Variants in MGAT4C observed in about 807,000 individuals in gnomAD.
MGAT4C encodes MGAT4 family member C.
MGAT4C carries 19 observed loss-of-function variants against 40.1 expected under a neutral mutation model. The observed-to-expected ratio is 0.47, with a 90% CI of 0.33 to 0.70. The LOEUF (loss-of-function observed/expected upper bound fraction) is 0.70, where lower values mean the gene tolerates loss of function less well. MGAT4C is among the 30% of genes least tolerant of loss of function. MGAT4C has a pLI of 0.02. For synonymous variants in MGAT4C, 181 were observed against 187.1 expected (o/e 0.97, Z 0.27); for missense variants, 491 against 563.2 (o/e 0.87, Z 1.30).
intron 1 of MGAT4C, among the ~76,000 whole-genome samples, chr12:86,064,322 G>T (rs1894296465): frequency 6.6e-6 from 1 of 152,174 alleles, no homozygotes; most frequent in Admixed American, 6.5e-5. Flanking sequence ...GGAACTTGCA[G>T]TGAGCCAAGA....
At chr12:86,468,148 C>A (rs1479397919) in intron 2 of MGAT4C, among the ~76,000 whole-genome samples, 2 of 151,962 alleles carry the variant, frequency 1.3e-5, no homozygotes, top group African/African-American at 4.8e-5. Context: ...CTAAATATAT[C>A]TAAAATAAAA....
intron 2 of MGAT4C, among the ~76,000 whole-genome samples, chr12:86,704,295 A>G (rs1425923544): frequency 6.6e-6 from 1 of 152,092 alleles, no homozygotes; most frequent in African/African-American, 2.4e-5. Flanking sequence ...ATGCTTGGAT[A>G]GAGAATGATA....
intron 1 of MGAT4C, among the ~76,000 whole-genome samples, chr12:86,074,595 C>G (rs1171567916): frequency 2.6e-5 from 4 of 151,966 alleles, no homozygotes; most frequent in African/African-American, 9.7e-5. Flanking sequence ...TTTCTTAATT[C>G]TTTCATATGG....
At chr12:86,177,452 A>G (rs968110837) in intron 1 of MGAT4C, among the ~76,000 whole-genome samples, 1 of 152,186 alleles carries the variant, frequency 6.6e-6, no homozygotes, top group Non-Finnish European at 1.5e-5. Flanking sequence ...AACTCAAAAC[A>G]TTCACAGAAA....
chr12:86,812,015 A>G (rs533289839), intron 1 of MGAT4C, among the ~76,000 whole-genome samples: 197 of 152,276 alleles, frequency 1.3e-3, no homozygotes, highest in Admixed American at 1.6e-3. Context: ...CTCCATATGT[A>G]TTTTCATTCT....
intron 4 of MGAT4C, among the ~76,000 whole-genome samples, chr12:86,310,555 T>C (rs1355740050): frequency 2.6e-5 from 4 of 152,184 alleles, no homozygotes; most frequent in African/African-American, 9.7e-5. Context: ...AATACTCTCA[T>C]AGCCCTTACT....
chr12:86,174,295 A>T (rs1397339698), intron 1 of MGAT4C, among the ~76,000 whole-genome samples: 1 of 152,080 alleles, frequency 6.6e-6, no homozygotes, highest in East Asian at 1.9e-4. Context: ...GCAAGACAAT[A>T]ACAAATGGTT....
intron 2 of MGAT4C, among the ~76,000 whole-genome samples, chr12:86,496,434 C>G (rs1958236250): frequency 6.6e-6 from 1 of 151,954 alleles, no homozygotes; most frequent in African/African-American, 2.4e-5. Flanking sequence ...TAAGCTCTCA[C>G]AGGAAAATAC....
intron 2 of MGAT4C, among the ~76,000 whole-genome samples, chr12:86,523,802 G>C (rs1483284092): frequency 6.6e-6 from 1 of 152,022 alleles, no homozygotes; most frequent in Non-Finnish European, 1.5e-5. Flanking sequence ...AGGATAGTTA[G>C]GTGTTCTTGT....
At chr12:86,445,081 G>C (rs1356421412) in intron 2 of MGAT4C, among the ~76,000 whole-genome samples, 3 of 152,114 alleles carry the variant, frequency 2.0e-5, no homozygotes, top group African/African-American at 7.2e-5. Context: ...ATTTTTGTGT[G>C]TAACAGACGT....
At chr12:86,468,024 C>T (rs1222122554) in intron 2 of MGAT4C, among the ~76,000 whole-genome samples, 1 of 152,070 alleles carries the variant, frequency 6.6e-6, no homozygotes, top group Non-Finnish European at 1.5e-5. Context: ...TCTCTACTTA[C>T]ACTTACTTCT....
At chr12:86,365,626 G>A (rs1955574914) in intron 3 of MGAT4C, among the ~76,000 whole-genome samples, 1 of 151,504 alleles carries the variant, frequency 6.6e-6, no homozygotes, top group Admixed American at 6.6e-5. Flanking sequence ...CTTCTGCCTT[G>A]GCTTCAGCTG....
At chr12:86,538,408 G>A (rs371098069) in intron 2 of MGAT4C, among the ~76,000 whole-genome samples, 1 of 152,146 alleles carries the variant, frequency 6.6e-6, no homozygotes, top group Non-Finnish European at 1.5e-5. Flanking sequence ...ACAGTCCAGA[G>A]GATCTCATGA....
intron 2 of MGAT4C, among the ~76,000 whole-genome samples, chr12:86,616,546 A>G (rs1308367246): frequency 6.6e-6 from 1 of 152,146 alleles, no homozygotes; most frequent in African/African-American, 2.4e-5. Context: ...CATGAGCAGA[A>G]AATGTATCAT....
chr12:86,609,982 T>G (rs1962191805), intron 2 of MGAT4C, among the ~76,000 whole-genome samples: 1 of 152,196 alleles, frequency 6.6e-6, no homozygotes, highest in Non-Finnish European at 1.5e-5. Flanking sequence ...AGACTTATTA[T>G]TCTCAATTAC....
chr12:86,645,492 G>A (rs1441206211), intron 2 of MGAT4C, among the ~76,000 whole-genome samples: 1 of 151,688 alleles, frequency 6.6e-6, no homozygotes, highest in Non-Finnish European at 1.5e-5. Flanking sequence ...CTGTGTCAAG[G>A]CATTTTCAGA....
chr12:86,450,880 G>C (rs1046354654), intron 2 of MGAT4C, among the ~76,000 whole-genome samples: 1 of 151,932 alleles, frequency 6.6e-6, no homozygotes, highest in African/African-American at 2.4e-5. Context: ...ATACATTTAT[G>C]TATTCATACT....
At chr12:86,462,854 T>G (rs560031313) in intron 2 of MGAT4C, among the ~76,000 whole-genome samples, 58 of 152,322 alleles carry the variant, frequency 3.8e-4, no homozygotes, top group Non-Finnish European at 6.9e-4. Flanking sequence ...CGCTGGAAGC[T>G]GATTACACGG....
intron 4 of MGAT4C, among the ~76,000 whole-genome samples, chr12:86,323,071 A>G (rs928722073): frequency 4.0e-5 from 6 of 151,772 alleles, no homozygotes; most frequent in Admixed American, 2.0e-4. Context: ...TTGACAGATA[A>G]TATAAGTTTA....
Sources: allele counts gnomAD v4.1 joint callset (sites outside exome capture counted in the v4.1 genomes callset), GRCh38; gene constraint gnomAD v4.1.1; transcripts MANE v1.5; gene names NCBI Gene and HGNC (gene_info 2026-07-23, HGNC 2026-07-21).